PPME1: variants seen among roughly 807,000 people sequenced by gnomAD.
The protein encoded by PPME1 is testicular secretory protein Li 39.
A neutral mutation model predicts 56.9 loss-of-function variants in PPME1; 17 were observed. The observed-to-expected ratio is 0.30, with a 90% confidence interval of 0.20 to 0.45. The LOEUF is 0.45. Among genes scored for constraint, PPME1 ranks in the 20% least tolerant of loss-of-function variants. The pLI, the probability that PPME1 is intolerant of heterozygous loss-of-function variation, is 1.00. For missense variants in PPME1, 357 were observed against 483.2 expected, an observed-to-expected ratio of 0.74 and a Z score of 2.45; for synonymous variants, 122 against 156.2, an observed-to-expected ratio of 0.78 and a Z score of 1.63.
chr11:74,193,425 G>A (rs1277841291), intron 1 of PPME1, among the ~76,000 whole-genome samples: 1 of 152,182 alleles, frequency 6.6e-6, no homozygotes, highest in Non-Finnish European at 1.5e-5. Context: ...TTTAGACTTA[G>A]GTCCCATCTC....
chr11:74,217,557 A>G (rs1173356889), intron 3 of PPME1, among the ~76,000 whole-genome samples: 3 of 151,716 alleles, frequency 2.0e-5, no homozygotes, highest in Non-Finnish European at 4.4e-5. Flanking sequence ...AAAAAAAAAA[A>G]AAAAAAGGAA....
In PPME1 at chr11:74,230,657, C is replaced by A; in HGVS notation, c.554-255C>A. 1.7e-6 allele frequency: 1 copy of A among 596,814 alleles called. No individual in the cohort carries two copies. The highest frequency in any genetic ancestry group is 2.2e-5 in the South Asian group (1 of 45,834). 37.0% of individuals were successfully genotyped at this position (596,814 alleles called of 1,614,324 possible). On this transcript the variant is annotated intron_variant, in intron 6 of 13. Transcript: ENST00000328257. The surrounding 1 kb of genome is among the most constrained non-coding windows in gnomAD (Gnocchi z 4.9). ...TTGTATTTAATCATATAAAAAGAAG[C>A]TGCCATGTCTTTTCTGACCCAGCTT...
At chr11:74,253,083 G>A (rs146354380) in intron 13 of PPME1, among the ~76,000 whole-genome samples, 5 of 152,292 alleles carry the variant, frequency 3.3e-5, no homozygotes, top group East Asian at 3.9e-4. Context: ...TGGCTTCTGC[G>A]TTAGAGAACT....
At chr11:74,213,667 G>A (rs1235501215) in intron 3 of PPME1, among the ~76,000 whole-genome samples, 7 of 152,232 alleles carry the variant, frequency 4.6e-5, no homozygotes, top group Admixed American at 4.6e-4. Context: ...GAAAATAAAG[G>A]AAGAGTGTAA....
intron 1 of PPME1, among the ~76,000 whole-genome samples, chr11:74,194,808 C>G (rs1857937807): frequency 6.6e-6 from 1 of 152,056 alleles, no homozygotes; most frequent in Non-Finnish European, 1.5e-5. Context: ...ATGTCCCTTT[C>G]TCATGAAGCT....
At chr11:74,176,772 G>T (rs1857410624) in intron 1 of PPME1, among the ~76,000 whole-genome samples, 1 of 146,152 alleles carries the variant, frequency 6.8e-6, no homozygotes, top group Admixed American at 6.9e-5. Context: ...TGTCACCGAG[G>T]CCGGATGGAG....
intron 1 of PPME1, among the ~76,000 whole-genome samples, chr11:74,202,761 T>G (rs1033237874): frequency 6.6e-6 from 1 of 152,158 alleles, no homozygotes; most frequent in Non-Finnish European, 1.5e-5. Flanking sequence ...TAATAATACA[T>G]GATCAAAAAT....
intron 1 of PPME1, among the ~76,000 whole-genome samples, chr11:74,194,940 A>C (rs1179629844): frequency 2.0e-4 from 30 of 152,242 alleles, no homozygotes; most frequent in Admixed American, 2.0e-3. Flanking sequence ...AATTGTTAGC[A>C]GTTCATTATA....
At position 74,253,779 on chromosome 11, in the gene PPME1, C is replaced by A. The variant is rs914400103; in HGVS notation, c.*269C>A. 1.8e-6 allele frequency: 1 copy of A among 564,572 alleles called. No homozygotes were observed. Among genetic ancestry groups the A allele is most frequent in the Non-Finnish European group, 3.1e-6 (1 of 317,532 alleles). 35.0% of individuals were successfully genotyped at this position (564,572 alleles called of 1,614,324 possible). The stretch of plus-strand genomic sequence containing the variant: ...ACTGGGGTAGCTCCTGCCTGCTCTC[C>A]CTGCGTTGCCTAGGGTAAAGCCTCC... On this transcript the variant is annotated 3_prime_UTR_variant, in exon 14 of 14. Transcript: ENST00000328257.
chr11:74,189,370 G>A (rs1231462770), intron 1 of PPME1, among the ~76,000 whole-genome samples: 1 of 152,164 alleles, frequency 6.6e-6, no homozygotes, highest in African/African-American at 2.4e-5. Context: ...GCTCACTGCA[G>A]CCTTGACTCC....
intron 1 of PPME1, among the ~76,000 whole-genome samples, chr11:74,192,968 A>G (rs980825957): frequency 3.9e-5 from 6 of 152,292 alleles, no homozygotes; most frequent in East Asian, 1.9e-4. Context: ...CTTCTCACCT[A>G]AAAAAATAAA....
chr11:74,251,425 G>A (rs937524200), intron 12 of PPME1: 104 of 1,396,692 alleles, frequency 7.4e-5, no homozygotes, highest in Middle Eastern at 2.7e-4. Flanking sequence ...AGCCCTTCAC[G>A]TCATTCCTCT....
At chr11:74,214,523 T>C (rs1565386076) in intron 3 of PPME1, among the ~76,000 whole-genome samples, 1 of 151,816 alleles carries the variant, frequency 6.6e-6, no homozygotes, top group Non-Finnish European at 1.5e-5. Flanking sequence ...CTCAAGGCAT[T>C]TAATAATCAA....
chr11:74,252,103 CTTTT>C (rs60650207), intron 13 of PPME1, among the ~76,000 whole-genome samples: 6 of 117,006 alleles, frequency 5.1e-5, no homozygotes, highest in Admixed American at 8.8e-5. Context: ...TGGAGCAGGG[CTTTT>C]TTTTTTTTTT....
intron 3 of PPME1, among the ~76,000 whole-genome samples, chr11:74,207,428 A>C (rs765366764): frequency 4.6e-5 from 7 of 152,140 alleles, no homozygotes; most frequent in East Asian, 1.9e-4. Flanking sequence ...AAACAAACAA[A>C]CAACCATAAA....
intron 11 of PPME1, chr11:74,247,844 T>A (rs989783954): frequency 6.6e-6 from 1 of 152,540 alleles, no homozygotes; most frequent in Non-Finnish European, 1.5e-5. Context: ...ATAATCCAGA[T>A]ATAAAAAGGT....
chr11:74,253,311 G>A (rs1402262954), intron 13 of PPME1, among the ~76,000 whole-genome samples, 181 bp from the exon 14 acceptor site: 1 of 152,130 alleles, frequency 6.6e-6, no homozygotes, highest in African/African-American at 2.4e-5. Flanking sequence ...TGGAGCCTTG[G>A]GCAAATGAGC....
chr11:74,203,706 T>C, intron 1 of PPME1, 22 bp from the exon 2 acceptor site: 1 of 1,586,236 alleles, frequency 6.3e-7, no homozygotes, highest in Non-Finnish European at 8.6e-7. Context: ...TTCTGAAATG[T>C]CTCTCTCTTT....
intron 1 of PPME1, 23 bp downstream of exon 1, chr11:74,171,545 C>T (rs779577918): frequency 1.7e-5 from 27 of 1,595,298 alleles, no homozygotes; most frequent in East Asian, 2.3e-5. Context: ...TACCCCTTCT[C>T]CCTATGGGCC....
Sources: allele counts gnomAD v4.1 joint callset (sites outside exome capture counted in the v4.1 genomes callset), GRCh38; gene constraint gnomAD v4.1.1; non-coding constraint Gnocchi (gnomAD v3.1); transcripts MANE v1.5; gene names NCBI Gene and HGNC (gene_info 2026-07-23, HGNC 2026-07-21).